HNRNPA1L2: variants seen among roughly 807,000 people sequenced by gnomAD.
The protein encoded by HNRNPA1L2 is heterogeneous nuclear ribonucleoprotein A1 like 2, also known as heterogeneous nuclear ribonucleoprotein A1-like 2.
In HNRNPA1L2, 10 loss-of-function variants were observed where a neutral mutation model predicts 18.2. That is an observed-to-expected ratio of 0.55 (90% CI 0.34 to 0.93). The LOEUF (loss-of-function observed/expected upper bound fraction) is 0.93, where lower values mean the gene tolerates loss of function less well. Ranked by LOEUF, HNRNPA1L2 falls within the 40% of genes least tolerant of loss-of-function variation. The probability of loss-of-function intolerance (pLI) is 0.02; values close to 1 mark genes in which losing one functional copy is unlikely to be tolerated. For missense variants in HNRNPA1L2, 308 were observed against 394.4 expected (o/e 0.78, Z 1.85); for synonymous variants, 124 against 138.6 (o/e 0.89, Z 0.74).
chr13:52,619,476 C>T, the HNRNPA1L2 span, among the ~76,000 whole-genome samples: 1 of 152,058 alleles, frequency 6.6e-6, no homozygotes, highest in African/African-American at 2.4e-5. Context: ...CCACGCCTGG[C>T]TCATTTTTGT....
At chr13:52,635,165 T>C in the HNRNPA1L2 span, among the ~76,000 whole-genome samples, 1 of 152,178 alleles carries the variant, frequency 6.6e-6, no homozygotes, top group African/African-American at 2.4e-5. Context: ...CAGTATGTGG[T>C]TAGACACATC....
chr13:52,627,139 T>C, the HNRNPA1L2 span, among the ~76,000 whole-genome samples: 2 of 152,216 alleles, frequency 1.3e-5, no homozygotes, highest in Non-Finnish European at 2.9e-5. Context: ...GCTTGCAATA[T>C]ATATTGTTTT....
the HNRNPA1L2 span, among the ~76,000 whole-genome samples, chr13:52,617,937 C>T: frequency 6.6e-6 from 1 of 152,228 alleles, no homozygotes; most frequent in Non-Finnish European, 1.5e-5. Context: ...GTCATCAACT[C>T]CTGTCAGTTT....
chr13:52,620,010 T>G, the HNRNPA1L2 span, among the ~76,000 whole-genome samples: 1 of 152,100 alleles, frequency 6.6e-6, no homozygotes, highest in Non-Finnish European at 1.5e-5. Context: ...GTACTTATTA[T>G]GAGGATACTA....
At position 52,643,275 on chromosome 13, in the gene HNRNPA1L2, T is replaced by C. The variant is rs756094711; in HGVS notation, c.783T>C (p.Asn261=). The change falls in exon 1 of 1, where the codon AAT becomes AAC. Residue 261 remains asparagine (N), a synonymous_variant. Coordinates refer to ENST00000357495, the MANE Select transcript of HNRNPA1L2 (RefSeq NM_001389320.1). ...GSNFGGGGSY[N]DFGNYNNQSS... ...ATTTTGGAGGTGGTGGAAGCTACAA[T>C]GATTTTGGCAATTACAACAATCAGT... 8.8e-6 allele frequency: 14 copies of C among 1,593,040 alleles called. No homozygotes were observed. The East Asian group carries it at 3.1e-4, about 35-fold the overall frequency.
rs749171800 is a variant in HNRNPA1L2, at chr13:52,642,755, G to T, written c.263G>T (p.Arg88Ile). 3 of 1,599,108 alleles carry T rather than the reference G, an allele frequency of 1.9e-6. No individual in the cohort carries two copies. The Admixed American group carries it at 5.0e-5, about 27-fold the overall frequency. ...KVDGRVVEPKRAVSREDSQRP... is the reference protein window; with the variant it reads ...KVDGRVVEPKIAVSREDSQRP... ...GATGGAAGAGTTGTGGAACCAAAGAGAGCTGTCTCCAGAGAAGATTCTCAA... is the reference window on the plus strand; with the variant it reads ...GATGGAAGAGTTGTGGAACCAAAGATAGCTGTCTCCAGAGAAGATTCTCAA... Residue 88 changes from arginine to isoleucine, a missense_variant, in exon 1 of 1, where the codon AGA becomes ATA. By Grantham distance (97) the Arg-to-Ile change is moderately conservative. Coordinates refer to ENST00000357495, the MANE Select transcript of HNRNPA1L2 (RefSeq NM_001389320.1).
chr13:52,636,951 C>A, the HNRNPA1L2 span, among the ~76,000 whole-genome samples: 1 of 152,106 alleles, frequency 6.6e-6, no homozygotes, highest in African/African-American at 2.4e-5. Context: ...CCTGCCTCAG[C>A]CTCCCAAGTA....
At chr13:52,623,723 C>T in the HNRNPA1L2 span, among the ~76,000 whole-genome samples, 1 of 152,136 alleles carries the variant, frequency 6.6e-6, no homozygotes, top group East Asian at 1.9e-4. Flanking sequence ...GCTTTTCTTT[C>T]TTTGTATTAT....
the HNRNPA1L2 span, among the ~76,000 whole-genome samples, chr13:52,618,735 A>G: frequency 6.6e-6 from 1 of 152,208 alleles, no homozygotes; most frequent in Non-Finnish European, 1.5e-5. Flanking sequence ...AAAAATGGAA[A>G]ATCAGTCTGA....
the HNRNPA1L2 span, chr13:52,629,151 C>T: frequency 6.5e-6 from 1 of 152,782 alleles, no homozygotes; most frequent in Admixed American, 6.5e-5. Context: ...GCTGGGATTA[C>T]AGGTGTGAGC....
At chr13:52,626,697 C>CT in the HNRNPA1L2 span, among the ~76,000 whole-genome samples, 1,365 of 147,718 alleles carry the variant, frequency 9.2e-3, 18 homozygotes, top group African/African-American at 0.026. Flanking sequence ...TGATTGATGG[C>CT]TTTTTTTTTT....
At chr13:52,635,054 A>T in the HNRNPA1L2 span, among the ~76,000 whole-genome samples, 2 of 152,234 alleles carry the variant, frequency 1.3e-5, no homozygotes, top group Non-Finnish European at 2.9e-5. Flanking sequence ...AAGTTATTTC[A>T]TTGGTGTGAT....
chr13:52,639,814 A>G (rs1047437381), upstream of HNRNPA1L2, among the ~76,000 whole-genome samples: 1 of 150,710 alleles, frequency 6.6e-6, no homozygotes, highest in Admixed American at 6.6e-5. Context: ...TTAGCTTAAC[A>G]TTCAAATTTC....
chr13:52,619,033 GT>G, the HNRNPA1L2 span, among the ~76,000 whole-genome samples: 1 of 152,120 alleles, frequency 6.6e-6, no homozygotes, highest in Admixed American at 6.6e-5. Context: ...TTGAGACGGA[GT>G]TTTGCTCTTG....
chr13:52,635,831 G>GT, the HNRNPA1L2 span, among the ~76,000 whole-genome samples: 45,180 of 131,702 alleles, frequency 0.34, 8,753 homozygotes, highest in Middle Eastern at 0.46. Context: ...CTGTATTACT[G>GT]TTTTTTTTTT....
the HNRNPA1L2 span, among the ~76,000 whole-genome samples, chr13:52,619,919 C>CA: frequency 0.013 from 918 of 68,674 alleles, 17 homozygotes; most frequent in East Asian, 0.027. Flanking sequence ...GATTCCGTCT[C>CA]AAAAAAAAAA....
rs1464532862 is a variant in HNRNPA1L2, at chr13:52,643,220, G to A, written c.728G>A (p.Gly243Asp). Residue 243 changes from glycine to aspartate, a missense_variant, in exon 1 of 1, where the codon GGC becomes GAC. Gly to Asp is a moderately conservative substitution (Grantham distance 94). Coordinates refer to ENST00000357495, the MANE Select transcript of HNRNPA1L2 (RefSeq NM_001389320.1). ...GGGGYGGSGD[G>D]YNGFGNDGSN... is the part of the protein sequence containing the mutation. ...GGTGGATATGGTGGCAGTGGGGATG[G>A]CTATAATGGATTTGGTAATGATGGA... The A allele has an allele frequency of 5.0e-6, 8 of 1,597,302 alleles. No homozygotes were observed. The East Asian group carries it at 1.8e-4, about 36-fold the overall frequency.
chr13:52,633,368 C>G, the HNRNPA1L2 span, among the ~76,000 whole-genome samples: 1 of 152,156 alleles, frequency 6.6e-6, no homozygotes, highest in African/African-American at 2.4e-5. Flanking sequence ...CTATTCTTCC[C>G]CTTTTCTTTG....
chr13:52,617,771 T>A, the HNRNPA1L2 span: 2 of 414,958 alleles, frequency 4.8e-6, no homozygotes, highest in Non-Finnish European at 8.7e-6. Context: ...AACTTCCTGG[T>A]GTCGATGTTA....
Sources: allele counts gnomAD v4.1 joint callset (sites outside exome capture counted in the v4.1 genomes callset), GRCh38; gene constraint gnomAD v4.1.1; transcripts MANE v1.5; gene names NCBI Gene and HGNC (gene_info 2026-07-23, HGNC 2026-07-21).